The following XIRP2 variants were observed in gnomAD, a reference collection of about 807,000 sequenced individuals.
The protein encoded by XIRP2 is xin actin binding repeat containing 2.
XIRP2 carries 236 observed loss-of-function variants against 277.0 expected under a neutral mutation model. The ratio of observed to expected loss-of-function variants is 0.85; its 90% CI spans 0.77 to 0.95. XIRP2 has a LOEUF of 0.95. XIRP2 is among the 40% of genes least tolerant of loss of function. The pLI, the probability that XIRP2 is intolerant of heterozygous loss-of-function variation, is 0.00. For missense variants in XIRP2, 4,640 were observed against 4,157.5 expected (o/e 1.12, Z -3.19); for synonymous variants, 1,490 against 1,416.5 (o/e 1.05, Z -1.17).
intron 2 of XIRP2, among the ~76,000 whole-genome samples, chr2:167,041,363 G>T (rs1305527382): frequency 6.6e-6 from 1 of 152,112 alleles, no homozygotes; most frequent in African/African-American, 2.4e-5. Context: ...CCAGAATCTG[G>T]ATGACAATGA....
intron 2 of XIRP2, among the ~76,000 whole-genome samples, chr2:167,082,655 G>T (rs1689772529): frequency 6.6e-6 from 1 of 152,168 alleles, no homozygotes; most frequent in East Asian, 1.9e-4. Context: ...GTGTGAGATG[G>T]TATCTCATTG....
At chr2:167,238,819 ATCC>A (rs1190930027) in intron 5 of XIRP2, among the ~76,000 whole-genome samples, 10 of 152,292 alleles carry the variant, frequency 6.6e-5, no homozygotes, top group South Asian at 4.1e-4. Context: ...ATCTGTCTGT[ATCC>A]TTATTTTTGA....
rs746636757 is a variant in XIRP2 at position 167,243,601 on chromosome 2, GA to G, written c.2212del (p.Thr738LeufsTer30). 7 of 1,613,920 alleles carry G rather than the reference GA, an allele frequency of 4.3e-6. No individual in the cohort carries two copies. The South Asian group carries it at 6.6e-5, about 15-fold the overall frequency. On this transcript the variant is annotated frameshift_variant, in exon 9 of 11. Transcript: ENST00000409195. LOFTEE classifies it high-confidence loss of function. ...GNVKRSIKCF[E>X]TQPLYVIRDG... ...TGTTAAAAGAAGTATAAAATGTTTC[GA>G]AACTCAACCATTATATGTTATTAGA...
intron 3 of XIRP2, among the ~76,000 whole-genome samples, chr2:167,180,507 T>A (rs981955664): frequency 4.6e-5 from 7 of 152,226 alleles, no homozygotes; most frequent in Admixed American, 1.3e-4. Flanking sequence ...TGTTGAATTT[T>A]GCATTTTTTG....
chr2:167,030,836 T>A (rs183679395), intron 2 of XIRP2, among the ~76,000 whole-genome samples: 46 of 152,276 alleles, frequency 3.0e-4, no homozygotes, highest in African/African-American at 1.1e-3. Context: ...AGTCTCTTCA[T>A]AGGTCTCTAA....
chr2:167,016,357 G>A (rs1420243148), intron 2 of XIRP2, among the ~76,000 whole-genome samples: 1 of 151,896 alleles, frequency 6.6e-6, no homozygotes. Context: ...TGACAAAGTG[G>A]AAAGAGTGGT....
rs1232440175 is a variant in XIRP2 at position 167,244,920 on chromosome 2, C to A, written c.3528C>A (p.Ser1176Arg). Residue 1176 changes from serine (S) to arginine (R), a missense_variant, in exon 9 of 11, where the codon AGC becomes AGA. Coordinates refer to ENST00000409195, the MANE Select transcript of XIRP2 (RefSeq NM_152381.6). ...TTTTTGAGACAGAAAATTTGGACAG[C>A]ATACAAGGAGAAGAAGTGAAGGAAA... ...CFLFETENLD[S>R]IQGEEVKEIK... is the part of the protein sequence containing the mutation. 1 of 1,612,660 alleles carries A rather than the reference C, an allele frequency of 6.2e-7. No homozygotes were observed. The highest frequency in any genetic ancestry group is 8.5e-7 in the Non-Finnish European group (1 of 1,179,540).
At chr2:167,183,515 T>A (rs957628199) in intron 3 of XIRP2, among the ~76,000 whole-genome samples, 6 of 152,226 alleles carry the variant, frequency 3.9e-5, no homozygotes, top group African/African-American at 1.4e-4. Context: ...TTTTGCTATT[T>A]ACAATCTGCT....
At chr2:167,204,796 A>G (rs1404159724) in intron 3 of XIRP2, among the ~76,000 whole-genome samples, 1 of 151,910 alleles carries the variant, frequency 6.6e-6, no homozygotes, top group Non-Finnish European at 1.5e-5. Context: ...TCCAATTTTT[A>G]TTTTCTCGCA....
In XIRP2 at chr2:167,247,252, G is replaced by A. The variant is rs752852882; in HGVS notation, c.5860G>A (p.Ala1954Thr). 1.8e-5 allele frequency: 29 copies of A among 1,613,582 alleles called. No individual in the cohort carries two copies. Among genetic ancestry groups the A allele is most frequent in the South Asian group, 1.2e-4 (11 of 91,074 alleles). The change falls in exon 9 of 11, where the codon GCA becomes ACA. Residue 1954 changes from alanine to threonine, a missense_variant. Transcript: ENST00000409195. ...AAAAAAAGATGCTAAAGCTGTGATG[G>A]CAGGATCCTCGGGAGAGCAGAAAAC... ...VIKKDAKAVM[A>T]GSSGEQKTDI... is the part of the protein sequence containing the mutation.
At chr2:167,117,256 G>A (rs1007238435) in intron 2 of XIRP2, among the ~76,000 whole-genome samples, 18 of 152,002 alleles carry the variant, frequency 1.2e-4, no homozygotes, top group African/African-American at 3.9e-4. Context: ...TAGTATTGGC[G>A]TTAAAATCTC....
At chr2:166,954,732 G>A (rs780252156) in intron 2 of XIRP2, among the ~76,000 whole-genome samples, 8 of 151,882 alleles carry the variant, frequency 5.3e-5, no homozygotes, top group African/African-American at 9.7e-5. Context: ...AGAATACTAC[G>A]CAGTCGTGAA....
intron 3 of XIRP2, among the ~76,000 whole-genome samples, chr2:167,192,351 C>T (rs1238749283): frequency 6.6e-6 from 1 of 152,144 alleles, no homozygotes. Context: ...ATCAATATCT[C>T]TGTCGTTGAT....
At chr2:167,051,189 C>T (rs13017014) in intron 2 of XIRP2, among the ~76,000 whole-genome samples, 42,660 of 151,958 alleles carry the variant, frequency 0.28, 6,866 homozygotes, top group African/African-American at 0.44. Context: ...AAGCCATCTG[C>T]AGTGTCTTCA....
chr2:166,999,200 T>G (rs1247653503), intron 2 of XIRP2, among the ~76,000 whole-genome samples: 1 of 152,146 alleles, frequency 6.6e-6, no homozygotes, highest in Non-Finnish European at 1.5e-5. Flanking sequence ...AAAGAGCAGT[T>G]TAAGAAATAG....
chr2:166,914,889 C>T (rs1192884913), intron 2 of XIRP2, among the ~76,000 whole-genome samples: 2 of 152,070 alleles, frequency 1.3e-5, no homozygotes, highest in Non-Finnish European at 2.9e-5. Flanking sequence ...CAAGAAACTT[C>T]AGTAAATCAT....
intron 2 of XIRP2, among the ~76,000 whole-genome samples, chr2:167,048,187 A>G (rs1008121297): frequency 6.6e-6 from 1 of 151,946 alleles, no homozygotes; most frequent in Non-Finnish European, 1.5e-5. Flanking sequence ...TCTTATGCAT[A>G]TTCCATTCTT....
At chr2:166,938,825 G>C (rs1392879083) in intron 2 of XIRP2, among the ~76,000 whole-genome samples, 1 of 151,954 alleles carries the variant, frequency 6.6e-6, no homozygotes, top group Non-Finnish European at 1.5e-5. Context: ...CTTGTTGAAT[G>C]GATCCCTTTA....
At chr2:166,913,318 C>CCCA (rs1553469501) in intron 2 of XIRP2, among the ~76,000 whole-genome samples, 1 of 149,260 alleles carries the variant, frequency 6.7e-6, no homozygotes, top group Non-Finnish European at 1.5e-5. Context: ...GCACCCCCCC[C>CCCA]CCCCAGCCTC....
Sources: gnomAD v4.1 joint callset for allele counts (sites outside exome capture counted in the v4.1 genomes callset) on GRCh38, gnomAD v4.1.1 for gene constraint, MANE v1.5 for transcripts, NCBI Gene and HGNC (gene_info 2026-07-23, HGNC 2026-07-21) for gene names.